KTN1: variants seen among roughly 807,000 people sequenced by gnomAD.
The protein encoded by KTN1 is kinectin.
Under a neutral mutation model 222.5 loss-of-function variants are expected in KTN1, and 130 were observed. The observed-to-expected ratio is 0.58, with a 90% CI of 0.51 to 0.68. The LOEUF is 0.68. Among genes scored for constraint, KTN1 ranks in the 30% least tolerant of loss-of-function variants. KTN1 has a pLI of 0.00. For synonymous variants in KTN1, 512 were observed against 496.3 expected (o/e 1.03, Z -0.42); for missense variants, 1,508 against 1,500.4 (o/e 1.01, Z -0.08).
chr14:55,650,629 G>T lies in KTN1; in HGVS notation c.2557G>T (p.Ala853Ser), dbSNP rs148189219. 1 of 1,607,330 alleles carries T rather than the reference G, an allele frequency of 6.2e-7. No homozygotes were observed. Among genetic ancestry groups the T allele is most frequent in the Non-Finnish European group, 8.5e-7 (1 of 1,174,304 alleles). The change falls in exon 24 of 44, where the codon GCT becomes TCT. Residue 853 changes from alanine (A) to serine (S), a missense_variant. By Grantham distance (99) the Ala-to-Ser change is moderately conservative. Transcript: ENST00000395314. ...EEIGNVQLEK[A>S]QQLSITSKVQ... ...AATAGGAAATGTCCAGCTTGAAAAG[G>T]CTCAACAGGTAAAAATCCCAGAGCC...
chr14:55,651,288 T>C (rs555735762), intron 24 of KTN1: 82 of 455,952 alleles, frequency 1.8e-4, no homozygotes, highest in South Asian at 1.2e-3. Context: ...CTAATATAGA[T>C]TGAGAGTTCA....
Position 55,596,581 on chromosome 14 carries a change from G to T in KTN1, c.-30-15438G>T, listed in dbSNP as rs532414777. Among the ~76,000 whole-genome samples, 9 of 152,250 alleles carry T rather than the reference G, an allele frequency of 5.9e-5. No homozygotes were observed. The South Asian group carries it at 1.9e-3, about 32-fold the overall frequency. Reference sequence around the variant, plus strand: ...TACCTCATATTTCTGTTGTCTGGAAGGCAGTCTTTGCAATCACAAATTTTG... The same window carrying T: ...TACCTCATATTTCTGTTGTCTGGAATGCAGTCTTTGCAATCACAAATTTTG... On this transcript the variant is annotated intron_variant, in intron 1 of 43. Transcript: ENST00000395314.
chr14:55,629,375 G>T (rs1390479668), intron 6 of KTN1, among the ~76,000 whole-genome samples: 1 of 137,726 alleles, frequency 7.3e-6, no homozygotes, highest in Non-Finnish European at 1.5e-5. Flanking sequence ...CCGAGATCAC[G>T]CCACTGCTCT....
In KTN1 at chr14:55,633,217, T is replaced by A; in HGVS notation, c.1222-18T>A. Reference sequence around the variant, plus strand: ...CAGTCTTTGTTTTCTAAGTTTTATGTGTGTAAAATAATTTTAGTTTCAGCA... The same window carrying A: ...CAGTCTTTGTTTTCTAAGTTTTATGAGTGTAAAATAATTTTAGTTTCAGCA... On this transcript the variant is annotated intron_variant, in intron 7 of 43. Transcript: ENST00000395314. 6.9e-7 allele frequency: 1 copy of A among 1,452,556 alleles called. No homozygotes were observed. The highest frequency in any genetic ancestry group is 1.4e-5 in the African/African-American group (1 of 70,066). 90.0% of individuals were successfully genotyped at this position (1,452,556 alleles called of 1,614,324 possible). A position where few individuals can be genotyped will look rare whatever the true frequency, so the allele number is the denominator to read the frequency against.
intron 1 of KTN1, among the ~76,000 whole-genome samples, chr14:55,605,271 TTTTA>T (rs1380664494): frequency 6.6e-6 from 1 of 152,176 alleles, no homozygotes; most frequent in African/African-American, 2.4e-5. Context: ...ATCCATTTGG[TTTTA>T]TTTATTTAGT....
In KTN1 at chr14:55,650,397, T is replaced by C; in HGVS notation, c.2475T>C (p.Ala825=). ...ELLEAELLKV[A]NKEKTVQDLK... Reference sequence around the variant, plus strand: ...TGGAGGCAGAACTTCTCAAAGTTGCTAACAAGGAGAAAACTGTTCAGGTAT... The same window carrying C: ...TGGAGGCAGAACTTCTCAAAGTTGCCAACAAGGAGAAAACTGTTCAGGTAT... Residue 825 remains alanine, a synonymous_variant, in exon 23 of 44, where the codon GCT becomes GCC. Coordinates refer to ENST00000395314, the MANE Select transcript of KTN1 (RefSeq NM_001079521.2). 1 of 1,610,818 alleles carries C rather than the reference T, an allele frequency of 6.2e-7. No individual in the cohort carries two copies. Among genetic ancestry groups the C allele is most frequent in the South Asian group, 1.1e-5 (1 of 90,334 alleles).
chr14:55,640,452 T>C lies in KTN1; in HGVS notation c.1983+10T>C, dbSNP rs2041658592. The stretch of plus-strand genomic sequence containing the variant: ...CCTGGCAAATGAGCAGGTAGATCTT[T>C]ATTGCTTTTGAGCATTGATCTCAGA... On this transcript the variant is annotated intron_variant, in intron 15 of 43. Transcript: ENST00000395314. 6.3e-7 allele frequency: 1 copy of C among 1,587,512 alleles called. No individual in the cohort carries two copies. The highest frequency in any genetic ancestry group is 1.4e-5 in the African/African-American group (1 of 73,700).
At chr14:55,679,867 G>A (rs1339763672) in intron 43 of KTN1, 182 bp downstream of exon 43, 3 of 621,120 alleles carry the variant, frequency 4.8e-6, no homozygotes, top group African/African-American at 1.9e-5. Flanking sequence ...TATCTTGAAG[G>A]TCTTGTAGCT....
chr14:55,659,324 T>C lies in KTN1; in HGVS notation c.2962-342T>C, dbSNP rs953882751. 5.3e-5 allele frequency among the ~76,000 whole-genome samples: 8 copies of C among 151,822 alleles called. No individual in the cohort carries two copies. The East Asian group carries it at 1.3e-3, about 26-fold the overall frequency. ...TGATTTCTGTTTTTTTTTTTTTTTT[T>C]TAACTTGGAAGCTTAACAGTTTTAT... On this transcript the variant is annotated intron_variant, in intron 30 of 43. Transcript: ENST00000395314.
chr14:55,596,155 A>G (rs1270165115), intron 1 of KTN1, among the ~76,000 whole-genome samples: 41 of 82,752 alleles, frequency 5.0e-4, no homozygotes, highest in Admixed American at 1.2e-4. Context: ...ACTCAATAGC[A>G]AAAAAAAAAA....
chr14:55,676,680 C>G (rs1223341332), intron 41 of KTN1, among the ~76,000 whole-genome samples: 2 of 151,960 alleles, frequency 1.3e-5, no homozygotes, highest in Non-Finnish European at 2.9e-5. Flanking sequence ...TAGATACTGT[C>G]TAACATTTAA....
At chr14:55,679,213 A>G (rs1217474698) in intron 42 of KTN1, 2 of 215,494 alleles carry the variant, frequency 9.3e-6, no homozygotes, top group African/African-American at 2.4e-5. Flanking sequence ...AGAGCTCAGT[A>G]TATGTTAACT....
chr14:55,656,980 C>G (rs999346670), intron 29 of KTN1, among the ~76,000 whole-genome samples: 1 of 152,178 alleles, frequency 6.6e-6, no homozygotes, highest in African/African-American at 2.4e-5. Flanking sequence ...CAATATCTTA[C>G]CTTCATGCAG....
intron 1 of KTN1, among the ~76,000 whole-genome samples, chr14:55,599,634 C>G: frequency 6.6e-6 from 1 of 152,076 alleles, no homozygotes; most frequent in Non-Finnish European, 1.5e-5. Context: ...CGCCACCACG[C>G]TCGGCTAATT....
chr14:55,633,209 G>T, intron 7 of KTN1, 26 bp from the exon 8 acceptor site: 1 of 1,389,896 alleles, frequency 7.2e-7, no homozygotes, highest in Non-Finnish European at 9.9e-7. Context: ...TGTTTTCTAA[G>T]TTTTATGTGT....
chr14:55,679,670 C>T lies in KTN1; in HGVS notation c.4054C>T (p.His1352Tyr), dbSNP rs2046195295. 1 of 1,613,844 alleles carries T rather than the reference C, an allele frequency of 6.2e-7. No homozygotes were observed. The highest frequency in any genetic ancestry group is 8.5e-7 in the Non-Finnish European group (1 of 1,179,804). The change falls in exon 43 of 44, where the codon CAC becomes TAC. Residue 1352 changes from histidine to tyrosine, a missense_variant. Coordinates refer to ENST00000395314, the MANE Select transcript of KTN1 (RefSeq NM_001079521.2). Reference protein sequence around the residue: ...VNQQLTKEKEHYQVLE With the variant: ...VNQQLTKEKEYYQVLE The stretch of plus-strand genomic sequence containing the variant: ...CCAACAGCTCACAAAGGAGAAAGAG[C>T]ACTACCAGGTGTTAGGTAAGGACAA...
chr14:55,644,404 T>A (rs1229616981), intron 18 of KTN1: 1 of 702,496 alleles, frequency 1.4e-6, no homozygotes, highest in Non-Finnish European at 2.6e-6. Flanking sequence ...CAAGTTGTTG[T>A]TTCTTCAGGT....
intron 1 of KTN1, among the ~76,000 whole-genome samples, chr14:55,608,237 A>G (rs2037027581): frequency 6.6e-6 from 1 of 151,786 alleles, no homozygotes; most frequent in East Asian, 1.9e-4. Context: ...TTTCCTCCTC[A>G]TGTAATTCTG....
chr14:55,653,084 A>T lies in KTN1; in HGVS notation c.2762A>T (p.Glu921Val), dbSNP rs1425465661. The change falls in exon 27 of 44, where the codon GAG becomes GTG. Residue 921 changes from glutamate to valine, a missense_variant and splice_region_variant. Transcript: ENST00000395314. ...VQEVAQHNLK[E>V]ASSASQFEEL... The stretch of plus-strand genomic sequence containing the variant: ...GAAGTAGCACAACATAACTTGAAAG[A>T]GGTATAGTATAAACAAATTACCAAC... 1 of 1,571,262 alleles carries T rather than the reference A, an allele frequency of 6.4e-7. No homozygotes were observed. Among genetic ancestry groups the T allele is most frequent in the Non-Finnish European group, 8.8e-7 (1 of 1,142,774 alleles).
Sources: gnomAD v4.1 joint callset for allele counts (sites outside exome capture counted in the v4.1 genomes callset) on GRCh38, gnomAD v4.1.1 for gene constraint, MANE v1.5 for transcripts, NCBI Gene and HGNC (gene_info 2026-07-23, HGNC 2026-07-21) for gene names.